The following PARN variants were observed in gnomAD, a reference collection of about 807,000 sequenced individuals.
PARN encodes the protein poly(A)-specific ribonuclease, also known as poly(A)-specific ribonuclease PARN.
Under a neutral mutation model 102.8 loss-of-function variants are expected in PARN, and 71 were observed. The observed-to-expected ratio is 0.69, with a 90% CI of 0.57 to 0.84. The LOEUF (loss-of-function observed/expected upper bound fraction) is 0.84, where lower values mean the gene tolerates loss of function less well. Ranked by LOEUF, PARN falls within the 40% of genes least tolerant of loss-of-function variation. The pLI, the probability that PARN is intolerant of heterozygous loss-of-function variation, is 0.00. For synonymous variants in PARN, 261 were observed against 252.9 expected (o/e 1.03, Z -0.30); for missense variants, 782 against 760.9 (o/e 1.03, Z -0.33).
At chr16:14,542,818 A>G (rs1396596854) in intron 21 of PARN, among the ~76,000 whole-genome samples, 1 of 152,090 alleles carries the variant, frequency 6.6e-6, no homozygotes, top group Non-Finnish European at 1.5e-5. Flanking sequence ...AAAGGAACAG[A>G]GCATTAGGAA....
At chr16:14,543,965 C>T (rs1432689502) in intron 21 of PARN, among the ~76,000 whole-genome samples, 1 of 152,130 alleles carries the variant, frequency 6.6e-6, no homozygotes, top group Admixed American at 6.5e-5. Context: ...GAGGCCAACG[C>T]GGGAAGATCA....
intron 22 of PARN, among the ~76,000 whole-genome samples, chr16:14,467,052 C>G (rs1356459219): frequency 6.6e-6 from 1 of 152,210 alleles, no homozygotes; most frequent in East Asian, 1.9e-4. Context: ...TCCTGATGCC[C>G]CTGCAGGCAA....
At chr16:14,554,398 A>G (rs1967529812) in intron 19 of PARN, among the ~76,000 whole-genome samples, 1 of 151,914 alleles carries the variant, frequency 6.6e-6, no homozygotes, top group Non-Finnish European at 1.5e-5. Flanking sequence ...TTCTCTTCTC[A>G]TGAAGTTCCT....
At chr16:14,593,650 T>C (rs906321500) in intron 12 of PARN, among the ~76,000 whole-genome samples, 10 of 152,066 alleles carry the variant, frequency 6.6e-5, no homozygotes, top group African/African-American at 2.4e-4. Context: ...TTATTAATTA[T>C]GCCACCCTCA....
At chr16:14,577,497 C>T (rs535516228) in intron 18 of PARN, among the ~76,000 whole-genome samples, 1 of 152,026 alleles carries the variant, frequency 6.6e-6, no homozygotes, top group African/African-American at 2.4e-5. Context: ...CTACACCCAC[C>T]TAATTTTTGT....
chr16:14,466,556 T>C (rs1962368183), intron 22 of PARN, among the ~76,000 whole-genome samples: 1 of 152,228 alleles, frequency 6.6e-6, no homozygotes. Context: ...TCCAAGTTCC[T>C]TCTGGCTCCA....
chr16:14,532,038 G>T (rs1365443323), intron 21 of PARN, among the ~76,000 whole-genome samples: 1 of 151,982 alleles, frequency 6.6e-6, no homozygotes, highest in Non-Finnish European at 1.5e-5. Flanking sequence ...ACTCCAGCTT[G>T]ACCCTGTCAG....
chr16:14,571,252 C>T (rs573904775), intron 18 of PARN, among the ~76,000 whole-genome samples: 55 of 151,008 alleles, frequency 3.6e-4, no homozygotes, highest in African/African-American at 1.3e-3. Flanking sequence ...GGAGTGGTGG[C>T]GGGCACCTGT....
intron 21 of PARN, among the ~76,000 whole-genome samples, chr16:14,499,877 C>G (rs1333157543): frequency 2.6e-5 from 4 of 152,138 alleles, no homozygotes; most frequent in Admixed American, 6.5e-5. Context: ...AATATTAATA[C>G]AATGGCAAGT....
chr16:14,602,764 A>G (rs1314120654), intron 11 of PARN, among the ~76,000 whole-genome samples: 2 of 152,044 alleles, frequency 1.3e-5, no homozygotes, highest in Non-Finnish European at 2.9e-5. Flanking sequence ...GCTGTCATGA[A>G]ACAGTTCCTC....
chr16:14,456,942 TTCTC>T (rs1961708832), intron 22 of PARN, among the ~76,000 whole-genome samples: 1 of 152,172 alleles, frequency 6.6e-6, no homozygotes, highest in African/African-American at 2.4e-5. Context: ...TACTTATCTA[TTCTC>T]TCTCTCTGTC....
intron 2 of PARN, among the ~76,000 whole-genome samples, chr16:14,628,661 G>GT (rs1972830428): frequency 6.6e-6 from 1 of 152,148 alleles, no homozygotes; most frequent in Non-Finnish European, 1.5e-5. Flanking sequence ...TGCAAAGAAT[G>GT]TATCTTCAAG....
At chr16:14,460,948 AAAC>A (rs1481976103) in intron 22 of PARN, among the ~76,000 whole-genome samples, 1 of 152,212 alleles carries the variant, frequency 6.6e-6, no homozygotes, top group African/African-American at 2.4e-5. Context: ...GAGATCTGGC[AAAC>A]ACCACCTCAA....
At chr16:14,571,126 G>A (rs2045252863) in intron 18 of PARN, among the ~76,000 whole-genome samples, 2 of 152,180 alleles carry the variant, frequency 1.3e-5, no homozygotes, top group South Asian at 2.1e-4. Flanking sequence ...GCTCATGCCT[G>A]TAATTCCAAC....
intron 23 of PARN, among the ~76,000 whole-genome samples, chr16:14,440,312 G>A (rs1266136914): frequency 6.6e-6 from 1 of 152,152 alleles, no homozygotes; most frequent in African/African-American, 2.4e-5. Flanking sequence ...ATACCCATTA[G>A]AACTGCTGAA....
intron 21 of PARN, among the ~76,000 whole-genome samples, chr16:14,487,012 CACTGTGCCCAAGA>C (rs1443926229): frequency 6.6e-6 from 1 of 152,242 alleles, no homozygotes; most frequent in African/African-American, 2.4e-5. Context: ...ACTCCGGCTT[CACTGTGCCCAAGA>C]ACAGCACGGT....
chr16:14,571,421 A>G (rs1045716036), intron 18 of PARN, among the ~76,000 whole-genome samples: 1 of 152,164 alleles, frequency 6.6e-6, no homozygotes, highest in Non-Finnish European at 1.5e-5. Flanking sequence ...AACTAACCAT[A>G]TGATTCAAAG....
At chr16:14,620,419 A>G (rs938493475) in intron 5 of PARN, among the ~76,000 whole-genome samples, 1 of 152,240 alleles carries the variant, frequency 6.6e-6, no homozygotes, top group Non-Finnish European at 1.5e-5. Context: ...GAACAATACT[A>G]TAGATGAAAC....
intron 21 of PARN, among the ~76,000 whole-genome samples, chr16:14,508,357 C>T (rs1965003783): frequency 6.6e-6 from 1 of 151,686 alleles, no homozygotes; most frequent in South Asian, 2.1e-4. Flanking sequence ...GAGTGAGACC[C>T]CCTCATCTCT....
Sources: gnomAD v4.1 joint callset for allele counts (sites outside exome capture counted in the v4.1 genomes callset) on GRCh38, gnomAD v4.1.1 for gene constraint, MANE v1.5 for transcripts, NCBI Gene and HGNC (gene_info 2026-07-23, HGNC 2026-07-21) for gene names.